The following GAS7 variants were observed in gnomAD, a reference collection of about 807,000 sequenced individuals.
GAS7 encodes growth arrest specific 7.
A neutral mutation model predicts 71.1 loss-of-function variants in GAS7; 28 were observed. The observed-to-expected ratio is 0.39, with a 90% confidence interval of 0.29 to 0.54. The LOEUF (loss-of-function observed/expected upper bound fraction) is 0.54, where lower values mean the gene tolerates loss of function less well. GAS7 is among the 20% of genes least tolerant of loss of function. The pLI, the probability that GAS7 is intolerant of heterozygous loss-of-function variation, is 0.62. For synonymous variants in GAS7, 258 were observed against 245.8 expected (o/e 1.05, Z -0.46); for missense variants, 436 against 627.8 (o/e 0.69, Z 3.27).
At chr17:10,132,736 C>A (rs925116144) in intron 1 of GAS7, among the ~76,000 whole-genome samples, 15 of 150,746 alleles carry the variant, frequency 1.0e-4, no homozygotes, top group African/African-American at 3.4e-4. Flanking sequence ...CCAGTCTGGG[C>A]GACAGAGTAA....
chr17:9,917,687 G>GT (rs568378914), intron 13 of GAS7, among the ~76,000 whole-genome samples: 39 of 152,134 alleles, frequency 2.6e-4, no homozygotes, highest in South Asian at 8.3e-4. Flanking sequence ...TCTAGAAGTT[G>GT]TTTTTTTTGG....
At chr17:10,189,582 T>A (rs1009326950) in intron 1 of GAS7, among the ~76,000 whole-genome samples, 3 of 147,342 alleles carry the variant, frequency 2.0e-5, no homozygotes, top group African/African-American at 7.6e-5. Context: ...TCAAACACAC[T>A]CCTCTACTCA....
At chr17:10,139,661 T>C (rs2074065182) in intron 1 of GAS7, among the ~76,000 whole-genome samples, 1 of 152,240 alleles carries the variant, frequency 6.6e-6, no homozygotes, top group African/African-American at 2.4e-5. Flanking sequence ...CTTTCTACTG[T>C]GTCAACATGG....
chr17:10,051,475 T>C (rs953025208), intron 1 of GAS7, among the ~76,000 whole-genome samples: 2 of 152,100 alleles, frequency 1.3e-5, no homozygotes, highest in Admixed American at 6.5e-5. Flanking sequence ...TCCAAGTAAA[T>C]ACATTTGGAA....
chr17:10,058,280 C>T (rs994703189), intron 1 of GAS7, among the ~76,000 whole-genome samples: 1 of 151,642 alleles, frequency 6.6e-6, no homozygotes, highest in Non-Finnish European at 1.5e-5. Context: ...AAAAACAAAA[C>T]AAAACAAAGC....
intron 1 of GAS7, among the ~76,000 whole-genome samples, chr17:10,132,377 C>G (rs1391378604): frequency 6.6e-6 from 1 of 152,342 alleles, no homozygotes; most frequent in Non-Finnish European, 1.5e-5. Context: ...CACCACCCTA[C>G]GTGCACACCC....
intron 2 of GAS7, among the ~76,000 whole-genome samples, chr17:9,990,487 G>C (rs374473190): frequency 2.0e-5 from 3 of 152,178 alleles, no homozygotes; most frequent in East Asian, 1.9e-4. Context: ...CCACCCAGGA[G>C]GGAAGGTAGA....
In GAS7 at chr17:10,198,346, C is replaced by T; in HGVS notation, c.45G>A (p.Glu15=). The part of the protein sequence containing the change: ...RCRTLYPFSG[E]RHGQGLRFAA... ...CGAAGCGCAGCCCCTGGCCGTGCCG[C>T]TCCCCGGAGAAGGGGTACAGGGTCC... Residue 15 remains glutamate, a synonymous_variant, in exon 1 of 14, where the codon GAG becomes GAA. Transcript: ENST00000432992. The T allele has an allele frequency of 1.3e-6, 2 of 1,598,848 alleles. No homozygotes were observed.
chr17:9,963,912 G>A (rs1392189489), intron 4 of GAS7, among the ~76,000 whole-genome samples: 2 of 151,418 alleles, frequency 1.3e-5, no homozygotes, highest in Admixed American at 6.6e-5. Flanking sequence ...AGTCAGAAAT[G>A]TGGTTTAAAA....
In GAS7 at chr17:10,046,454, A is replaced by C. The variant is rs2072957955; in HGVS notation, c.184-26557T>G. 2.6e-5 allele frequency among the ~76,000 whole-genome samples: 4 copies of C among 151,954 alleles called. No homozygotes were observed. The South Asian group carries it at 8.3e-4, about 32-fold the overall frequency. On this transcript the variant is annotated intron_variant, in intron 1 of 13. Coordinates refer to ENST00000432992, the MANE Select transcript of GAS7 (RefSeq NM_201433.2). ...TGAAGGAAATGCAGAAAATCTTGCA[A>C]ACCGCTGGGCGCGGTGGCTCACACC...
chr17:10,088,665 T>C (rs142234929), intron 1 of GAS7, among the ~76,000 whole-genome samples: 671 of 152,258 alleles, frequency 4.4e-3, no homozygotes, highest in Non-Finnish European at 7.9e-3. Flanking sequence ...ATCCCAATTA[T>C]ACAGGGCGAG....
At chr17:9,939,344 C>T (rs1007327322) in intron 8 of GAS7, among the ~76,000 whole-genome samples, 1 of 152,140 alleles carries the variant, frequency 6.6e-6, no homozygotes, top group South Asian at 2.1e-4. Flanking sequence ...CAGCCCAGGT[C>T]CCACTCAAGG....
intron 6 of GAS7, among the ~76,000 whole-genome samples, chr17:9,945,089 C>A (rs987345224): frequency 6.6e-6 from 1 of 152,092 alleles, no homozygotes; most frequent in Non-Finnish European, 1.5e-5. Flanking sequence ...ACCAGCTTTC[C>A]AAGGCTTGAG....
chr17:10,165,564 T>C (rs188502517), intron 1 of GAS7, among the ~76,000 whole-genome samples: 52 of 152,350 alleles, frequency 3.4e-4, no homozygotes, highest in African/African-American at 1.2e-3. Context: ...CGTCCAATGG[T>C]TGAAAAACAT....
intron 11 of GAS7, among the ~76,000 whole-genome samples, chr17:9,921,847 T>C (rs1444235621): frequency 6.6e-6 from 1 of 151,420 alleles, no homozygotes; most frequent in African/African-American, 2.4e-5. Context: ...TAGTCCCAGC[T>C]ACTCGGGAGG....
chr17:10,077,620 A>G (rs943422415), intron 1 of GAS7, among the ~76,000 whole-genome samples: 3 of 152,196 alleles, frequency 2.0e-5, no homozygotes, highest in African/African-American at 7.2e-5. Flanking sequence ...CCCTATCCCA[A>G]TGGCAGAAAA....
chr17:10,029,046 C>T (rs2072543455), intron 1 of GAS7, among the ~76,000 whole-genome samples: 1 of 152,138 alleles, frequency 6.6e-6, no homozygotes, highest in Non-Finnish European at 1.5e-5. Context: ...CTGTTCAAGG[C>T]AAAGTGGATT....
At position 9,936,245 on chromosome 17, in the gene GAS7, G is replaced by A. The variant is rs191011429; in HGVS notation, c.807-2001C>T. The stretch of plus-strand genomic sequence containing the variant: ...ACTGGATTAAAGGGAAGTGAGAGGG[G>A]TTTGCCCCTGCAGCTGAGCCACACA... On this transcript the variant is annotated intron_variant, in intron 8 of 13. Transcript: ENST00000432992. Among the ~76,000 whole-genome samples, 89 of 152,288 alleles carry A rather than the reference G, an allele frequency of 5.8e-4. No individual in the cohort carries two copies. The East Asian group carries it at 0.014, about 24-fold the overall frequency.
chr17:9,961,766 G>C (rs919938014), intron 4 of GAS7, among the ~76,000 whole-genome samples: 3 of 152,148 alleles, frequency 2.0e-5, no homozygotes, highest in Non-Finnish European at 2.9e-5. Flanking sequence ...ATGAAATTGG[G>C]GCTTGCAGAA....
Sources: allele counts gnomAD v4.1 joint callset (sites outside exome capture counted in the v4.1 genomes callset), GRCh38; gene constraint gnomAD v4.1.1; transcripts MANE v1.5; gene names NCBI Gene and HGNC (gene_info 2026-07-23, HGNC 2026-07-21).